COPZ1: variants seen among roughly 807,000 people sequenced by gnomAD.
The protein encoded by COPZ1 is coatomer subunit zeta-1.
In COPZ1, 4 loss-of-function variants were observed where a neutral mutation model predicts 31.7. That is an observed-to-expected ratio of 0.13 (90% confidence interval 0.06 to 0.29). The LOEUF is 0.29. COPZ1 is among the 10% of genes least tolerant of loss of function. The pLI is 1.00. For missense variants in COPZ1, 156 were observed against 211.5 expected (o/e 0.74, Z 1.63); for synonymous variants, 74 against 79.0 (o/e 0.94, Z 0.33).
chr12:54,326,285 G>A (rs1396459221), intron 1 of COPZ1, among the ~76,000 whole-genome samples: 1 of 150,574 alleles, frequency 6.6e-6, no homozygotes, highest in African/African-American at 2.5e-5. Flanking sequence ...GACTACAGGC[G>A]CTCGCCACCA....
In COPZ1 at chr12:54,326,961, CTTTTTTTTTTT is replaced by C. The variant is rs60827109; in HGVS notation, c.18+1807_18+1817del. Among the ~76,000 whole-genome samples the C allele has an allele frequency of 6.2e-3, 271 of 43,466 alleles. 1 individual carries two copies. The highest frequency in any genetic ancestry group is 0.019 in the African/African-American group (188 of 9,950). 28.5% of individuals were successfully genotyped at this position (43,466 alleles called of 152,430 possible). On this transcript the variant is annotated intron_variant, in intron 1 of 8. Transcript: ENST00000262061. ...CTGTACCAAGCAGTTAACAAGTATTCTTTTTTTTTTTTTTTTTTTTTTTTTTTTTTTTTTTT... is the reference window on the plus strand; with the variant it reads ...CTGTACCAAGCAGTTAACAAGTATTCTTTTTTTTTTTTTTTTTTTTTTTTT...
intron 1 of COPZ1, among the ~76,000 whole-genome samples, chr12:54,328,866 C>T (rs575346707): frequency 7.9e-5 from 12 of 152,210 alleles, no homozygotes; most frequent in Non-Finnish European, 1.3e-4. Context: ...TGCAGGATGT[C>T]GAGAAAAAGG....
intron 1 of COPZ1, chr12:54,340,319 C>G: frequency 1.7e-6 from 1 of 597,748 alleles, no homozygotes; most frequent in South Asian, 3.1e-5. Flanking sequence ...AACTGTTTCT[C>G]TGATGGTACT....
intron 2 of COPZ1, 32 bp from the exon 3 acceptor site, chr12:54,342,174 G>C: frequency 6.5e-7 from 1 of 1,537,258 alleles, no homozygotes; most frequent in South Asian, 1.1e-5. Context: ...CAGCTCTAGT[G>C]ACCCAACCCT....
At chr12:54,327,347 A>G (rs1592194522) in intron 1 of COPZ1, among the ~76,000 whole-genome samples, 1 of 137,354 alleles carries the variant, frequency 7.3e-6, no homozygotes, top group South Asian at 2.4e-4. Flanking sequence ...CCCAGGCTGG[A>G]GTGCAGTGGT....
At chr12:54,328,894 G>T (rs376139081) in intron 1 of COPZ1, among the ~76,000 whole-genome samples, 153 of 152,286 alleles carry the variant, frequency 1.0e-3, no homozygotes, top group African/African-American at 3.6e-3. Flanking sequence ...AAGCTACAGG[G>T]GGTCAAGAAG....
At position 54,342,232 on chromosome 12, in the gene COPZ1, C is replaced by G. The variant is rs1195995240; in HGVS notation, c.114C>G (p.Val38=). The G allele has an allele frequency of 1.9e-6, 3 of 1,613,892 alleles. No homozygotes were observed. The Admixed American group carries it at 5.0e-5, about 27-fold the overall frequency. ...ACTATGACGACACCTACCCCAGTGT[C>G]AAGGAGCAAAAGGCCTTTGAGAAGA... ...AKYYDDTYPS[V]KEQKAFEKNI... The change falls in exon 3 of 9, where the codon GTC becomes GTG. Residue 38 remains valine (V), a synonymous_variant. Coordinates refer to ENST00000262061, the MANE Select transcript of COPZ1 (RefSeq NM_016057.3).
chr12:54,349,488 G>C, intron 7 of COPZ1, 132 bp from the exon 8 acceptor site: 1 of 783,436 alleles, frequency 1.3e-6, no homozygotes, highest in Non-Finnish European at 2.3e-6. Context: ...CCCTAGAAGG[G>C]ACTGAGAAGT....
chr12:54,349,885 G>A, intron 8 of COPZ1: 1 of 615,400 alleles, frequency 1.6e-6, no homozygotes, highest in Non-Finnish European at 2.9e-6. Context: ...GCCTTGCTCT[G>A]TACCCTTCAA....
chr12:54,336,552 C>CTGG (rs1953868902), intron 1 of COPZ1, among the ~76,000 whole-genome samples: 2 of 151,450 alleles, frequency 1.3e-5, no homozygotes, highest in Admixed American at 1.3e-4. Context: ...AAAAAAAGCT[C>CTGG]TTATCCAGAG....
intron 5 of COPZ1, among the ~76,000 whole-genome samples, chr12:54,347,518 A>G (rs2137112732): frequency 6.6e-6 from 1 of 152,352 alleles, no homozygotes; most frequent in East Asian, 1.9e-4. Context: ...AATAGCGTGG[A>G]TAATCAACCC....
At chr12:54,331,724 A>G (rs1037255393) in intron 1 of COPZ1, among the ~76,000 whole-genome samples, 3 of 151,920 alleles carry the variant, frequency 2.0e-5, no homozygotes, top group South Asian at 4.1e-4. Flanking sequence ...AAGCAGGGAG[A>G]TGTGGGGGGG....
chr12:54,326,542 G>A (rs1281710401), intron 1 of COPZ1, among the ~76,000 whole-genome samples: 2 of 149,080 alleles, frequency 1.3e-5, no homozygotes, highest in Non-Finnish European at 3.0e-5. Flanking sequence ...TCCATATGAT[G>A]CTTTATGCTT....
chr12:54,350,985 A>T lies in COPZ1; in HGVS notation c.*462A>T, dbSNP rs1193291146. On this transcript the variant is annotated 3_prime_UTR_variant, in exon 9 of 9. Transcript: ENST00000262061. ...TTCTATAGAACGAGTGGGGGCGGGGATGGGTAGGGATTTATCCAATCTAAG... is the reference window on the plus strand; with the variant it reads ...TTCTATAGAACGAGTGGGGGCGGGGTTGGGTAGGGATTTATCCAATCTAAG... 6 of 184,668 alleles carry T rather than the reference A, an allele frequency of 3.2e-5. No homozygotes were observed. The highest frequency in any genetic ancestry group is 4.7e-5 in the Non-Finnish European group (4 of 85,334). 11.4% of individuals were successfully genotyped at this position (184,668 alleles called of 1,614,324 possible).
At chr12:54,336,469 G>A (rs1592201929) in intron 1 of COPZ1, among the ~76,000 whole-genome samples, 1 of 151,990 alleles carries the variant, frequency 6.6e-6, no homozygotes, top group African/African-American at 2.4e-5. Context: ...ACCAGGAGGC[G>A]GAGCTTGCAG....
At chr12:54,331,622 G>A (rs149521480) in intron 1 of COPZ1, among the ~76,000 whole-genome samples, 2 of 152,058 alleles carry the variant, frequency 1.3e-5, no homozygotes, top group Non-Finnish European at 2.9e-5. Flanking sequence ...ATTCTGCCTC[G>A]GGGTTGATTT....
At chr12:54,347,234 G>A (rs1033046381) in intron 5 of COPZ1, among the ~76,000 whole-genome samples, 1 of 152,194 alleles carries the variant, frequency 6.6e-6, no homozygotes, top group African/African-American at 2.4e-5. Flanking sequence ...CCAACCAACG[G>A]ATCTGAGGCT....
chr12:54,336,891 G>A (rs1953877215), intron 1 of COPZ1, among the ~76,000 whole-genome samples: 1 of 151,526 alleles, frequency 6.6e-6, no homozygotes, highest in Non-Finnish European at 1.5e-5. Context: ...GCATGGGGGT[G>A]TGTGCCTGTA....
intron 5 of COPZ1, among the ~76,000 whole-genome samples, chr12:54,346,014 G>C (rs538507406): frequency 7.4e-4 from 113 of 151,796 alleles, no homozygotes; most frequent in Middle Eastern, 3.4e-3. Flanking sequence ...TACTGGGGAG[G>C]ACTGGATGGA....
Sources: allele counts gnomAD v4.1 joint callset (sites outside exome capture counted in the v4.1 genomes callset), GRCh38; gene constraint gnomAD v4.1.1; transcripts MANE v1.5; gene names NCBI Gene and HGNC (gene_info 2026-07-23, HGNC 2026-07-21).